Variants in BMPER observed in about 807,000 individuals in gnomAD.
The protein encoded by BMPER is BMP-binding endothelial regulator protein.
Under a neutral mutation model 87.3 loss-of-function variants are expected in BMPER, and 45 were observed. That is an observed-to-expected ratio of 0.52 (90% CI 0.41 to 0.66). BMPER has a LOEUF of 0.66. Among genes scored for constraint, BMPER ranks in the 30% least tolerant of loss-of-function variants. BMPER has a pLI of 0.00. For missense variants in BMPER, 784 were observed against 867.5 expected (o/e 0.90, Z 1.21); for synonymous variants, 326 against 316.2 (o/e 1.03, Z -0.33).
At chr7:34,137,095 A>G (rs565735352) in intron 13 of BMPER, among the ~76,000 whole-genome samples, 40 of 152,226 alleles carry the variant, frequency 2.6e-4, no homozygotes, top group Admixed American at 5.2e-4. Flanking sequence ...ATAACATGAA[A>G]AACTATAGGT....
At chr7:34,023,604 T>C (rs7786626) in intron 6 of BMPER, among the ~76,000 whole-genome samples, 2,658 of 152,134 alleles carry the variant, frequency 0.017, 90 homozygotes, top group African/African-American at 0.06. Flanking sequence ...CTTCAAATCT[T>C]CTGAGGAGGG....
rs180930931 is a variant in BMPER at position 34,150,667 on chromosome 7, G to T, written c.1877-2425G>T. On this transcript the variant is annotated intron_variant, in intron 14 of 14. Coordinates refer to ENST00000649409, the MANE Select transcript of BMPER (RefSeq NM_001365308.1). ...AGTGAAAAGTCAAAAGATTATCACA[G>T]AAGCCTAAATTGAGAGACTTAAAGG... is the stretch of plus-strand genomic sequence containing the variant. 3.7e-3 allele frequency among the ~76,000 whole-genome samples: 559 copies of T among 152,260 alleles called. 2 individuals are homozygous for T. Among genetic ancestry groups the T allele is most frequent in the African/African-American group, 0.013 (537 of 41,550 alleles).
At chr7:33,949,055 C>G (rs1282579594) in intron 3 of BMPER, among the ~76,000 whole-genome samples, 1 of 152,116 alleles carries the variant, frequency 6.6e-6, no homozygotes, top group Non-Finnish European at 1.5e-5. Context: ...AGTATGTAGG[C>G]AGAGAGGCTT....
chr7:33,997,601 T>C (rs941158485), intron 6 of BMPER, among the ~76,000 whole-genome samples: 1 of 152,202 alleles, frequency 6.6e-6, no homozygotes, highest in Admixed American at 6.5e-5. Context: ...TGTGAGTCAA[T>C]TAAACCTCTT....
intron 13 of BMPER, among the ~76,000 whole-genome samples, chr7:34,135,189 C>G (rs1418361793): frequency 6.6e-6 from 1 of 152,092 alleles, no homozygotes; most frequent in Non-Finnish European, 1.5e-5. Flanking sequence ...GTAAGAGATT[C>G]ACTGTGAATC....
chr7:34,090,602 T>C (rs956969257), intron 13 of BMPER, among the ~76,000 whole-genome samples: 6 of 152,172 alleles, frequency 3.9e-5, no homozygotes, highest in Admixed American at 3.3e-4. Flanking sequence ...AGCTATGCCT[T>C]TGTGGGTCAA....
chr7:33,999,530 T>C (rs920802956), intron 6 of BMPER, among the ~76,000 whole-genome samples: 2 of 152,248 alleles, frequency 1.3e-5, no homozygotes, highest in Non-Finnish European at 2.9e-5. Flanking sequence ...TTATAGAAGA[T>C]ATAGTTTGAC....
intron 13 of BMPER, among the ~76,000 whole-genome samples, chr7:34,107,482 C>T (rs1789849873): frequency 6.6e-6 from 1 of 152,148 alleles, no homozygotes; most frequent in African/African-American, 2.4e-5. Context: ...GACTAACATC[C>T]TCCAGGGACC....
Position 34,055,241 on chromosome 7 carries a change from T to C in BMPER, c.865T>C (p.Cys289Arg). Residue 289 changes from cysteine to arginine, a missense_variant, in exon 9 of 15, where the codon TGC (cysteine) becomes CGC (arginine). Physicochemically the swap from Cys to Arg is radical, Grantham distance 180. Coordinates refer to ENST00000649409, the MANE Select transcript of BMPER (RefSeq NM_001365308.1). ...DQGQEGCCEE[C>R]LLRVPPEDIK... ...AGGCCAGGAGGGCTGTTGTGAAGAG[T>C]GCCTCCTACGAGTGCCCCCAGAAGA... 6.2e-7 allele frequency: 1 copy of C among 1,614,060 alleles called. No homozygotes were observed. Among genetic ancestry groups the C allele is most frequent in the South Asian group, 1.1e-5 (1 of 91,076 alleles).
intron 6 of BMPER, 109 bp from the exon 7 acceptor site, chr7:34,046,197 A>C: frequency 9.8e-7 from 1 of 1,016,456 alleles, no homozygotes; most frequent in South Asian, 1.3e-5. Context: ...CAGTCAGTCT[A>C]GGGACCTAAT....
intron 2 of BMPER, among the ~76,000 whole-genome samples, chr7:33,910,766 G>A (rs1783940511): frequency 7.1e-6 from 1 of 141,006 alleles, no homozygotes; most frequent in African/African-American, 3.0e-5. Context: ...GAGAGACCTT[G>A]TCTGCTGTCT....
intron 6 of BMPER, among the ~76,000 whole-genome samples, chr7:33,995,670 C>T (rs1467463023): frequency 6.6e-6 from 1 of 152,150 alleles, no homozygotes; most frequent in African/African-American, 2.4e-5. Flanking sequence ...TTTTTGGCAG[C>T]GTTGGTTCCA....
chr7:34,078,957 C>CTGCT lies in BMPER; in HGVS notation c.1180_1183dup (p.Ser395LeufsTer111). On this transcript the variant is annotated frameshift_variant, in exon 12 of 15. Coordinates refer to ENST00000649409, the MANE Select transcript of BMPER (RefSeq NM_001365308.1). LOFTEE classifies it high-confidence loss of function. Reference sequence around the variant, plus strand: ...CGTGTCAGTACGTTTTGACAAAAGACTGCTCCTCCCCTGCCTCGCCCTTCC... The same window carrying CTGCT: ...CGTGTCAGTACGTTTTGACAAAAGACTGCTTGCTCCTCCCCTGCCTCGCCCTTCC... 6.2e-7 allele frequency: 1 copy of CTGCT among 1,614,208 alleles called. No individual in the cohort carries two copies. The highest frequency in any genetic ancestry group is 8.5e-7 in the Non-Finnish European group (1 of 1,180,038).
intron 13 of BMPER, among the ~76,000 whole-genome samples, chr7:34,135,641 A>T (rs890146455): frequency 2.6e-5 from 4 of 152,080 alleles, no homozygotes; most frequent in African/African-American, 9.7e-5. Flanking sequence ...GGTGGTTTGG[A>T]AATTCTGTGC....
In BMPER at chr7:33,906,826, G is replaced by A. The variant is rs753391713; in HGVS notation, c.142G>A (p.Ala48Thr). 6.2e-7 allele frequency: 1 copy of A among 1,613,334 alleles called. No individual in the cohort carries two copies. The highest frequency in any genetic ancestry group is 8.5e-7 in the Non-Finnish European group (1 of 1,179,564). ...TCCCCCCTGAATTTCAGGTTCTGTT[G>A]CAAAATGTGAAAATGAAGGTGAAGT... ...LASSFLTGSVAKCENEGEVLQ... is the reference protein window; with the variant it reads ...LASSFLTGSVTKCENEGEVLQ... Residue 48 changes from alanine to threonine, a missense_variant, in exon 2 of 15, where the codon GCA (alanine) becomes ACA (threonine). Physicochemically the swap from Ala to Thr is moderately conservative, Grantham distance 58. Transcript: ENST00000649409.
intron 13 of BMPER, among the ~76,000 whole-genome samples, chr7:34,090,633 C>T (rs1205948726): frequency 1.3e-5 from 2 of 152,180 alleles, no homozygotes; most frequent in African/African-American, 4.8e-5. Flanking sequence ...GTTTTTTATT[C>T]CTTGTGCCTA....
intron 13 of BMPER, among the ~76,000 whole-genome samples, chr7:34,119,009 C>T (rs959514964): frequency 7.6e-6 from 1 of 131,048 alleles, no homozygotes; most frequent in Non-Finnish European, 1.6e-5. Flanking sequence ...CTCTCTCTCT[C>T]TCTCTCACAC....
rs200819500 is a variant in BMPER at position 34,072,958 on chromosome 7, GA to G, written c.1079-5897del. On this transcript the variant is annotated intron_variant, in intron 11 of 14. Coordinates refer to ENST00000649409, the MANE Select transcript of BMPER (RefSeq NM_001365308.1). ...CCCCCATAATGTTCCTGACTTTTCAGAATTTTTTTTCCTAATAGTCTCTTTA... is the reference window on the plus strand; with the variant it reads ...CCCCCATAATGTTCCTGACTTTTCAGATTTTTTTTCCTAATAGTCTCTTTA... 3.6e-4 allele frequency among the ~76,000 whole-genome samples: 55 copies of G among 152,126 alleles called. No individual in the cohort carries two copies. In the East Asian group the frequency reaches 7.9e-3, roughly 22 times the overall value.
intron 5 of BMPER, among the ~76,000 whole-genome samples, chr7:33,972,219 A>G (rs1466691467): frequency 6.6e-6 from 1 of 152,022 alleles, no homozygotes; most frequent in Non-Finnish European, 1.5e-5. Context: ...GGCTTTATTG[A>G]CACAGAATCA....
Sources: gnomAD v4.1 joint callset for allele counts (sites outside exome capture counted in the v4.1 genomes callset) on GRCh38, gnomAD v4.1.1 for gene constraint, MANE v1.5 for transcripts, NCBI Gene and HGNC (gene_info 2026-07-23, HGNC 2026-07-21) for gene names.